CEP250: variants seen among roughly 807,000 people sequenced by gnomAD.
CEP250 encodes centrosome-associated protein CEP250.
In CEP250, 242 loss-of-function variants were observed where a neutral mutation model predicts 315.7. That is an observed-to-expected ratio of 0.77 (90% CI 0.69 to 0.85). CEP250 has a LOEUF of 0.85. Ranked by LOEUF, CEP250 falls within the 40% of genes least tolerant of loss-of-function variation. The pLI is 0.00. For missense variants in CEP250, 2,515 were observed against 2,886.4 expected, an observed-to-expected ratio of 0.87 and a Z score of 2.95; for synonymous variants, 1,088 against 1,175.0, an observed-to-expected ratio of 0.93 and a Z score of 1.51.
chr20:35,474,979 G>C, intron 14 of CEP250: 10 of 402,002 alleles, frequency 2.5e-5, no homozygotes. Context: ...TGCCATAAGG[G>C]TCATGACTTG....
In CEP250 at chr20:35,479,399, C is replaced by T. The variant is rs745788644; in HGVS notation, c.2263C>T (p.Leu755Phe). The stretch of plus-strand genomic sequence containing the variant: ...GGCCGTGGAGCGTGACCGGCAGGAC[C>T]TCGCTGAACAACTACAGGGGCTCAG... ...LQAVERDRQD[L>F]AEQLQGLSSA... The change falls in exon 18 of 35, where the codon CTC (leucine) becomes TTC (phenylalanine). Residue 755 changes from leucine (L) to phenylalanine (F), a missense_variant. Transcript: ENST00000397527. 1 of 1,614,000 alleles carries T rather than the reference C, an allele frequency of 6.2e-7. No homozygotes were observed.
chr20:35,510,188 C>A (rs2064314392), intron 34 of CEP250, 134 bp downstream of exon 34: 3 of 761,260 alleles, frequency 3.9e-6, no homozygotes, highest in Non-Finnish European at 4.6e-6. Flanking sequence ...AGTCCCAGTC[C>A]CAACCCCATC....
In CEP250 at chr20:35,512,061, G is replaced by T; in HGVS notation, c.*435G>T. On this transcript the variant is annotated 3_prime_UTR_variant, in exon 35 of 35. Transcript: ENST00000397527. ...TGGGAAGAACTTGCCAAAGATTCCT[G>T]TTGAGGTAGCATGCATTTATTGTAC... is the stretch of plus-strand genomic sequence containing the variant. The T allele has an allele frequency of 9.8e-7, 1 of 1,020,020 alleles. No individual in the cohort carries two copies. The highest frequency in any genetic ancestry group is 1.2e-6 in the Non-Finnish European group (1 of 851,860). 63.2% of individuals were successfully genotyped at this position (1,020,020 alleles called of 1,614,324 possible). A position where few individuals can be genotyped will look rare whatever the true frequency, so the allele number is the denominator to read the frequency against.
At position 35,511,615 on chromosome 20, in the gene CEP250, G is replaced by A. The variant is rs748792917; in HGVS notation, c.7318G>A (p.Ala2440Thr). Residue 2440 changes from alanine to threonine, a missense_variant, in exon 35 of 35, where the codon GCC (alanine) becomes ACC (threonine). Physicochemically the swap from Ala to Thr is moderately conservative, Grantham distance 58. Coordinates refer to ENST00000397527, the MANE Select transcript of CEP250 (RefSeq NM_007186.6). The part of the protein sequence containing the change: ...LHPSPSTTQA[A>T]SR ...CCCCAGCCCCAGCACTACCCAAGCC[G>A]CCTCCAGGTAGCAGCCACAGCCAGG... is the stretch of plus-strand genomic sequence containing the variant. The A allele has an allele frequency of 1.2e-5, 20 of 1,608,186 alleles. No homozygotes were observed. The highest frequency in any genetic ancestry group is 3.9e-4 in the Middle Eastern group (2 of 5,164).
intron 9 of CEP250, 44 bp from the exon 10 acceptor site, chr20:35,469,846 A>T (rs765220412): frequency 7.3e-7 from 1 of 1,365,796 alleles, no homozygotes; most frequent in Admixed American, 1.8e-5. Context: ...CTCTGTCCAC[A>T]TCCATGGGCT....
chr20:35,508,181 C>G lies in CEP250; in HGVS notation c.6897C>G (p.Thr2299=). ...GCCACAATGTCCAGCTGCGGAGTAC[C>G]TTGGAGCAGGTGACCCCTCTTCTTG... ...LQRHNVQLRS[T]LEQVERERRK... Residue 2299 remains threonine, a synonymous_variant, in exon 32 of 35, where the codon ACC becomes ACG. Coordinates refer to ENST00000397527, the MANE Select transcript of CEP250 (RefSeq NM_007186.6). 1 of 1,614,022 alleles carries G rather than the reference C, an allele frequency of 6.2e-7. No individual in the cohort carries two copies. The highest frequency in any genetic ancestry group is 8.5e-7 in the Non-Finnish European group (1 of 1,179,980).
chr20:35,457,277 C>T (rs2062651043), intron 1 of CEP250, among the ~76,000 whole-genome samples: 1 of 152,144 alleles, frequency 6.6e-6, no homozygotes, highest in African/African-American at 2.4e-5. Flanking sequence ...GTGGAATTTG[C>T]ATTTTGGTAA....
At chr20:35,488,627 C>T (rs1233724020) in intron 20 of CEP250, among the ~76,000 whole-genome samples, 1 of 152,004 alleles carries the variant, frequency 6.6e-6, no homozygotes, top group Non-Finnish European at 1.5e-5. Flanking sequence ...CCACACCTGA[C>T]TAATTTTTGC....
Position 35,507,725 on chromosome 20 carries a change from CT to C in CEP250, c.6637-12del. On this transcript the variant is annotated splice_polypyrimidine_tract_variant and intron_variant, in intron 30 of 34. Transcript: ENST00000397527. Reference sequence around the variant, plus strand: ...GGCAAGGTGTGATTTTGCTCCATACCTCCGTACCCTAGGATGAACTGGAGCT... The same window carrying C: ...GGCAAGGTGTGATTTTGCTCCATACCCCGTACCCTAGGATGAACTGGAGCT... 1 of 1,551,384 alleles carries C rather than the reference CT, an allele frequency of 6.4e-7. No homozygotes were observed. Among genetic ancestry groups the C allele is most frequent in the East Asian group, 2.4e-5 (1 of 40,918 alleles).
At position 35,504,966 on chromosome 20, in the gene CEP250, C is replaced by T. The variant is rs1232173110; in HGVS notation, c.6597C>T (p.Ala2199=). Residue 2199 remains alanine, a synonymous_variant, in exon 30 of 35, where the codon GCC becomes GCT. Coordinates refer to ENST00000397527, the MANE Select transcript of CEP250 (RefSeq NM_007186.6). ...AGGAGGTAGCCATGTTCCTACAAGC[C>T]TCTGTCCTGGAGCGGGACTCAGAAC... is the stretch of plus-strand genomic sequence containing the variant. The part of the protein sequence containing the change: ...SLQEVAMFLQ[A]SVLERDSEQQ... 6.2e-7 allele frequency: 1 copy of T among 1,613,606 alleles called. No homozygotes were observed. Among genetic ancestry groups the T allele is most frequent in the Non-Finnish European group, 8.5e-7 (1 of 1,179,626 alleles).
chr20:35,495,632 T>C (rs1196919940), intron 24 of CEP250, among the ~76,000 whole-genome samples: 1 of 152,164 alleles, frequency 6.6e-6, no homozygotes, highest in African/African-American at 2.4e-5. Flanking sequence ...GTGCCTGTAA[T>C]GCCAGCTACT....
intron 4 of CEP250, 49 bp from the exon 5 acceptor site, chr20:35,463,526 G>C: frequency 6.5e-7 from 1 of 1,543,514 alleles, no homozygotes; most frequent in Non-Finnish European, 8.7e-7. Flanking sequence ...GCTTTGGGCT[G>C]TTTGTGCCAG....
chr20:35,508,164 G>T lies in CEP250; in HGVS notation c.6880G>T (p.Val2294Phe), dbSNP rs1227404221. 10 of 1,613,972 alleles carry T rather than the reference G, an allele frequency of 6.2e-6. No homozygotes were observed. The highest frequency in any genetic ancestry group is 8.5e-6 in the Non-Finnish European group (10 of 1,180,008). ...CAGGAGCAGGCTGCAGCGCCACAATGTCCAGCTGCGGAGTACCTTGGAGCA... is the reference window on the plus strand; with the variant it reads ...CAGGAGCAGGCTGCAGCGCCACAATTTCCAGCTGCGGAGTACCTTGGAGCA... Reference protein sequence around the residue: ...IDRSRLQRHNVQLRSTLEQVE... With the variant: ...IDRSRLQRHNFQLRSTLEQVE... The change falls in exon 32 of 35, where the codon GTC becomes TTC. Residue 2294 changes from valine to phenylalanine, a missense_variant. By Grantham distance (50) the Val-to-Phe change is conservative. Transcript: ENST00000397527.
At chr20:35,462,026 A>G (rs1460354507) in intron 3 of CEP250, among the ~76,000 whole-genome samples, 1 of 152,254 alleles carries the variant, frequency 6.6e-6, no homozygotes, top group African/African-American at 2.4e-5. Flanking sequence ...CCACTGTGCC[A>G]GGAACTAAGG....
At chr20:35,511,178 G>T (rs2064344807) in intron 34 of CEP250, among the ~76,000 whole-genome samples, 185 bp from the exon 35 acceptor site, 1 of 152,170 alleles carries the variant, frequency 6.6e-6, no homozygotes. Context: ...AGAATCACTG[G>T]ATTCTAGAAT....
At chr20:35,495,315 A>T (rs2063806177) in intron 24 of CEP250, among the ~76,000 whole-genome samples, 1 of 152,232 alleles carries the variant, frequency 6.6e-6, no homozygotes, top group Non-Finnish European at 1.5e-5. Context: ...TTTGAGTTTC[A>T]TAGGAAACCT....
At position 35,467,069 on chromosome 20, in the gene CEP250, A is replaced by G. The variant is rs745759891; in HGVS notation, c.596A>G (p.Asp199Gly). 18 of 1,604,088 alleles carry G rather than the reference A, an allele frequency of 1.1e-5. No individual in the cohort carries two copies. Among genetic ancestry groups the G allele is most frequent in the Non-Finnish European group, 1.5e-5 (18 of 1,173,756 alleles). ...RHFLEMKSATDRDLMELKAEH... is the reference protein window; with the variant it reads ...RHFLEMKSATGRDLMELKAEH... ...TTCCTGGAAATGAAGTCAGCTACTGACAGGTCAGTGTGGGGAGAAGAAGGG... is the reference window on the plus strand; with the variant it reads ...TTCCTGGAAATGAAGTCAGCTACTGGCAGGTCAGTGTGGGGAGAAGAAGGG... Residue 199 changes from aspartate (D) to glycine (G), a missense_variant, in exon 8 of 35, where the codon GAC becomes GGC. By Grantham distance (94) the Asp-to-Gly change is moderately conservative (BLOSUM62 -1). Transcript: ENST00000397527.
rs765592288 is a variant in CEP250, at chr20:35,467,038, C to T, written c.565C>T (p.Arg189Cys). The change falls in exon 8 of 35, where the codon CGC becomes TGC. Residue 189 changes from arginine to cysteine, a missense_variant. Coordinates refer to ENST00000397527, the MANE Select transcript of CEP250 (RefSeq NM_007186.6). ...ATGGCGGGAGGTTGTGACATTCCGA[C>T]GCCACTTCCTGGAAATGAAGTCAGC... is the stretch of plus-strand genomic sequence containing the variant. Reference protein sequence around the residue: ...SLWREVVTFRRHFLEMKSATD... With the variant: ...SLWREVVTFRCHFLEMKSATD... 11 of 1,613,788 alleles carry T rather than the reference C, an allele frequency of 6.8e-6. 1 individual carries two copies. Among genetic ancestry groups the T allele is most frequent in the Middle Eastern group, 1.7e-4 (1 of 6,054 alleles).
chr20:35,466,954 C>T lies in CEP250; in HGVS notation c.493-12C>T, dbSNP rs2146716302. The stretch of plus-strand genomic sequence containing the variant: ...CTGCCTTTGGGTATGACCTGGGTTT[C>T]TGAACACACAGTTCTTCAAGGGCTA... On this transcript the variant is annotated splice_polypyrimidine_tract_variant and intron_variant, in intron 7 of 34. Transcript: ENST00000397527. 4 of 1,591,104 alleles carry T rather than the reference C, an allele frequency of 2.5e-6. No homozygotes were observed. In the East Asian group the frequency reaches 9.0e-5, roughly 36 times the overall value.
Sources: allele counts gnomAD v4.1 joint callset (sites outside exome capture counted in the v4.1 genomes callset), GRCh38; gene constraint gnomAD v4.1.1; transcripts MANE v1.5; gene names NCBI Gene and HGNC (gene_info 2026-07-23, HGNC 2026-07-21).